DACH1: variants seen among roughly 807,000 people sequenced by gnomAD.
DACH1 encodes the protein dachshund family transcription factor 1.
DACH1 carries 12 observed loss-of-function variants against 54.2 expected under a neutral mutation model. That is an observed-to-expected ratio of 0.22 (90% CI 0.14 to 0.36). DACH1 has a LOEUF of 0.36. Ranked by LOEUF, DACH1 falls within the 10% of genes least tolerant of loss-of-function variation. The pLI, the probability that DACH1 is intolerant of heterozygous loss-of-function variation, is 1.00. For synonymous variants in DACH1, 386 were observed against 366.2 expected, an observed-to-expected ratio of 1.05 and a Z score of -0.62; for missense variants, 805 against 929.8, an observed-to-expected ratio of 0.87 and a Z score of 1.75.
chr13:71,836,314 G>T (rs1430534989), intron 1 of DACH1, among the ~76,000 whole-genome samples: 1 of 151,948 alleles, frequency 6.6e-6, no homozygotes, highest in Non-Finnish European at 1.5e-5. Context: ...TTTATTGAGT[G>T]GTTATTATGT....
chr13:71,570,669 C>T (rs940318100), intron 4 of DACH1, among the ~76,000 whole-genome samples: 3 of 152,086 alleles, frequency 2.0e-5, no homozygotes, highest in African/African-American at 4.8e-5. Flanking sequence ...AAACATAAAA[C>T]GACCTCACTT....
intron 1 of DACH1, among the ~76,000 whole-genome samples, chr13:71,741,355 G>T (rs1190831420): frequency 2.0e-5 from 3 of 152,164 alleles, no homozygotes; most frequent in African/African-American, 7.2e-5. Flanking sequence ...GGACAGGCTG[G>T]CATAAAAACA....
chr13:71,639,020 T>C (rs888514193), intron 2 of DACH1, among the ~76,000 whole-genome samples: 5 of 152,142 alleles, frequency 3.3e-5, no homozygotes, highest in African/African-American at 1.2e-4. Context: ...TGAAGGTGCA[T>C]TGTAAGCTCC....
chr13:71,734,980 G>GATAT lies in DACH1; in HGVS notation c.849-53074_849-53071dup, dbSNP rs373427572. Among the ~76,000 whole-genome samples, 319 of 144,408 alleles carry GATAT rather than the reference G, an allele frequency of 2.2e-3. 1 individual carries two copies. Among genetic ancestry groups the GATAT allele is most frequent in the Non-Finnish European group, 3.1e-3 (209 of 66,518 alleles). The allele number at this position is 144,408 out of a possible 152,430, so 94.7% of individuals were successfully genotyped here. ...GATATATATATATATACACACACAG[G>GATAT]ATATATATATATATACAGACACAGG... On this transcript the variant is annotated intron_variant, in intron 1 of 10. Transcript: ENST00000613252.
At chr13:71,461,442 TCTTA>T (rs1876065776) in intron 10 of DACH1, among the ~76,000 whole-genome samples, 1 of 152,006 alleles carries the variant, frequency 6.6e-6, no homozygotes, top group South Asian at 2.1e-4. Flanking sequence ...AAAAAATCTC[TCTTA>T]CTATTATCAG....
At chr13:71,827,286 T>C (rs950826376) in intron 1 of DACH1, among the ~76,000 whole-genome samples, 2 of 152,056 alleles carry the variant, frequency 1.3e-5, no homozygotes, top group Non-Finnish European at 1.5e-5. Flanking sequence ...ATCGCCAACC[T>C]ACTGACTTAC....
intron 1 of DACH1, among the ~76,000 whole-genome samples, chr13:71,754,264 T>C (rs1261904123): frequency 6.6e-6 from 1 of 152,208 alleles, no homozygotes; most frequent in African/African-American, 2.4e-5. Context: ...GCATCGCCCA[T>C]GGCTCTGGAT....
chr13:71,492,554 C>T (rs757234710), intron 6 of DACH1, among the ~76,000 whole-genome samples: 2 of 152,110 alleles, frequency 1.3e-5, no homozygotes, highest in Non-Finnish European at 2.9e-5. Context: ...TCATTTTGGA[C>T]TTCTAGTCTC....
At chr13:71,564,778 C>T (rs1308008887) in intron 4 of DACH1, among the ~76,000 whole-genome samples, 1 of 152,092 alleles carries the variant, frequency 6.6e-6, no homozygotes, top group Non-Finnish European at 1.5e-5. Flanking sequence ...AATCACAACT[C>T]ATTTCTCTAA....
chr13:71,479,174 T>C lies in DACH1; in HGVS notation c.1865A>G (p.Asn622Ser). ...ATCTGGAAATTTGGAAATACCTCTA[T>C]TCTTTTGTTCCATAGCCAACTGCTT... ...LEKQLAMEQK[N>S]RAIVQKRLKK... Residue 622 changes from asparagine to serine, a missense_variant, in exon 8 of 11, where the codon AAT becomes AGT. This residue lies in a region of DACH1 where 472 missense variants were observed against 545.3 expected (regional missense o/e 0.87). Coordinates refer to ENST00000613252, the MANE Select transcript of DACH1 (RefSeq NM_080759.6). 1.9e-6 allele frequency: 3 copies of C among 1,607,854 alleles called. No homozygotes were observed. The highest frequency in any genetic ancestry group is 2.5e-6 in the Non-Finnish European group (3 of 1,178,272).
At chr13:71,699,811 C>G (rs1882022364) in intron 1 of DACH1, among the ~76,000 whole-genome samples, 1 of 152,086 alleles carries the variant, frequency 6.6e-6, no homozygotes, top group Non-Finnish European at 1.5e-5. Flanking sequence ...AAAGAAATAT[C>G]AAAACTTGTA....
chr13:71,759,152 C>T (rs1052201283), intron 1 of DACH1, among the ~76,000 whole-genome samples: 3 of 151,854 alleles, frequency 2.0e-5, no homozygotes, highest in Non-Finnish European at 4.4e-5. Context: ...TGACAGTTCA[C>T]CAGTTTTAAG....
At chr13:71,489,192 C>CT in intron 6 of DACH1, 44 bp from the exon 7 acceptor site, 1 of 1,587,412 alleles carries the variant, frequency 6.3e-7, no homozygotes, top group Non-Finnish European at 8.6e-7. Context: ...TTACGCTTGT[C>CT]TGTTTTTATT....
chr13:71,750,434 A>G (rs1317743304), intron 1 of DACH1, among the ~76,000 whole-genome samples: 2 of 152,236 alleles, frequency 1.3e-5, no homozygotes, highest in Non-Finnish European at 2.9e-5. Flanking sequence ...AGGGTCTAAC[A>G]AAAAGAATGA....
rs528611339 is a variant in DACH1, at chr13:71,551,187, A to G, written c.1570+5837T>C. ...TTATAATTTAATTTTTTATTGATACATAATAGATGTATATATTTTGGGAGT... is the reference window on the plus strand; with the variant it reads ...TTATAATTTAATTTTTTATTGATACGTAATAGATGTATATATTTTGGGAGT... On this transcript the variant is annotated intron_variant, in intron 6 of 10. Coordinates refer to ENST00000613252, the MANE Select transcript of DACH1 (RefSeq NM_080759.6). Among the ~76,000 whole-genome samples, 4 of 152,250 alleles carry G rather than the reference A, an allele frequency of 2.6e-5. No homozygotes were observed. The East Asian group carries it at 7.7e-4, about 29-fold the overall frequency.
intron 2 of DACH1, among the ~76,000 whole-genome samples, chr13:71,635,170 A>T (rs908041213): frequency 1.3e-5 from 2 of 152,234 alleles, no homozygotes; most frequent in Non-Finnish European, 2.9e-5. Flanking sequence ...GTCAATGGAA[A>T]GTAATTTAAA....
intron 10 of DACH1, among the ~76,000 whole-genome samples, chr13:71,466,253 A>G (rs1265974288): frequency 6.6e-6 from 1 of 152,166 alleles, no homozygotes; most frequent in Non-Finnish European, 1.5e-5. Context: ...GTTTCCATAT[A>G]TCACTATTTT....
intron 6 of DACH1, among the ~76,000 whole-genome samples, chr13:71,501,822 G>A (rs1165375359): frequency 2.0e-5 from 3 of 152,154 alleles, no homozygotes; most frequent in East Asian, 3.9e-4. Flanking sequence ...GCAAAGCAAT[G>A]TTTTAAATGC....
chr13:71,724,232 G>A (rs1027990385), intron 1 of DACH1, among the ~76,000 whole-genome samples: 1 of 152,116 alleles, frequency 6.6e-6, no homozygotes, highest in Non-Finnish European at 1.5e-5. Context: ...GTTTATAGTT[G>A]TATTTATCCT....
Sources: gnomAD v4.1 joint callset for allele counts (sites outside exome capture counted in the v4.1 genomes callset) on GRCh38, gnomAD v4.1.1 for gene constraint, gnomAD v4.1.1 regional missense constraint, MANE v1.5 for transcripts, NCBI Gene and HGNC (gene_info 2026-07-23, HGNC 2026-07-21) for gene names.